The following ARHGAP26 variants were observed in gnomAD, a reference collection of about 807,000 sequenced individuals.
ARHGAP26 encodes Rho GTPase activating protein 26.
A neutral mutation model predicts 104.8 loss-of-function variants in ARHGAP26; 38 were observed. The ratio of observed to expected loss-of-function variants is 0.36; its 90% confidence interval spans 0.28 to 0.48. ARHGAP26 has a LOEUF of 0.48. Among genes scored for constraint, ARHGAP26 ranks in the 20% least tolerant of loss-of-function variants. ARHGAP26 has a pLI of 0.99. For synonymous variants in ARHGAP26, 341 were observed against 340.0 expected, an observed-to-expected ratio of 1.00 and a Z score of -0.03; for missense variants, 704 against 947.9, an observed-to-expected ratio of 0.74 and a Z score of 3.38.
At chr5:142,902,448 C>T (rs2152455695) in intron 7 of ARHGAP26, among the ~76,000 whole-genome samples, 1 of 152,280 alleles carries the variant, frequency 6.6e-6, no homozygotes, top group Non-Finnish European at 1.5e-5. Context: ...TGCTGGCCTC[C>T]AGCTCAAAGG....
In ARHGAP26 at chr5:142,885,515, A is replaced by G. The variant is rs574154121; in HGVS notation, c.486+116A>G. On this transcript the variant is annotated intron_variant, in intron 5 of 22. Transcript: ENST00000645722. ...AGGGTTAGAAGGGACCTGGGAAGCC[A>G]GGAGATTGCTCCTGATCCCTCATCC... The G allele has an allele frequency of 1.7e-5, 14 of 827,700 alleles. No individual in the cohort carries two copies. In the East Asian group the frequency reaches 3.8e-4, roughly 22 times the overall value. 51.3% of individuals were successfully genotyped at this position (827,700 alleles called of 1,614,324 possible).
chr5:143,141,077 T>G (rs1340567136), intron 19 of ARHGAP26, among the ~76,000 whole-genome samples: 1 of 152,268 alleles, frequency 6.6e-6, no homozygotes, highest in East Asian at 1.9e-4. Flanking sequence ...GCAGATGACA[T>G]GTTTATTCAC....
intron 20 of ARHGAP26, among the ~76,000 whole-genome samples, chr5:143,183,068 A>G (rs2151200230): frequency 7.6e-6 from 1 of 130,740 alleles, no homozygotes; most frequent in South Asian, 2.5e-4. Context: ...GCAAATGAAA[A>G]GTGGCAAAAA....
chr5:143,207,477 A>G lies in ARHGAP26; in HGVS notation c.2099+169A>G, dbSNP rs772640440. The G allele has an allele frequency of 7.4e-6, 12 of 1,613,450 alleles. No homozygotes were observed. The South Asian group carries it at 1.1e-4, about 15-fold the overall frequency. On this transcript the variant is annotated intron_variant, in intron 21 of 22. Transcript: ENST00000645722. ...AAGCGGTACATGAAGACTCCAGGTAAAATCTCGGATGATGACCAATCTGTT... is the reference window on the plus strand; with the variant it reads ...AAGCGGTACATGAAGACTCCAGGTAGAATCTCGGATGATGACCAATCTGTT...
chr5:143,164,925 G>T (rs544578199), intron 20 of ARHGAP26: 2 of 152,088 alleles, frequency 1.3e-5, no homozygotes, highest in Non-Finnish European at 2.9e-5. Flanking sequence ...TCAGTGTGTC[G>T]GGCCTCAAAA....
At chr5:143,001,112 T>C (rs1012234285) in intron 11 of ARHGAP26, among the ~76,000 whole-genome samples, 2 of 151,988 alleles carry the variant, frequency 1.3e-5, no homozygotes, top group African/African-American at 4.8e-5. Flanking sequence ...TGTATAGTGA[T>C]CTAGAATAAG....
intron 1 of ARHGAP26, chr5:142,860,112 T>C (rs1597952580): frequency 1.3e-5 from 2 of 152,332 alleles, no homozygotes; most frequent in East Asian, 3.9e-4. Context: ...TCCCGGTTGT[T>C]GTTCCTGTCT....
chr5:143,036,625 T>C (rs1358663082), intron 12 of ARHGAP26, among the ~76,000 whole-genome samples: 2 of 152,230 alleles, frequency 1.3e-5, no homozygotes, highest in African/African-American at 4.8e-5. Flanking sequence ...GGCAGTTTGA[T>C]GGTATGGGCT....
intron 20 of ARHGAP26, among the ~76,000 whole-genome samples, chr5:143,201,219 C>A (rs1807666839): frequency 6.6e-6 from 1 of 152,112 alleles, no homozygotes; most frequent in Non-Finnish European, 1.5e-5. Context: ...TGTGTTGTTG[C>A]TGTCATTGGG....
intron 10 of ARHGAP26, among the ~76,000 whole-genome samples, chr5:142,922,449 G>A (rs764573304): frequency 7.9e-5 from 12 of 151,846 alleles, no homozygotes; most frequent in Middle Eastern, 3.4e-3. Context: ...TGTGTTTTCT[G>A]TAGAAAAAAA....
chr5:143,008,859 ACT>A (rs1340955287), intron 11 of ARHGAP26, among the ~76,000 whole-genome samples: 1 of 152,198 alleles, frequency 6.6e-6, no homozygotes, highest in Non-Finnish European at 1.5e-5. Flanking sequence ...AATCCAGATG[ACT>A]CTGTGTATTC....
intron 18 of ARHGAP26, among the ~76,000 whole-genome samples, chr5:143,129,650 C>G (rs2150866495): frequency 6.6e-6 from 1 of 152,252 alleles, no homozygotes; most frequent in South Asian, 2.1e-4. Context: ...TTTCTCATCT[C>G]AAGAGGGCAA....
chr5:143,023,396 C>G (rs971891892), intron 12 of ARHGAP26, among the ~76,000 whole-genome samples: 1 of 152,170 alleles, frequency 6.6e-6, no homozygotes, highest in Non-Finnish European at 1.5e-5. Flanking sequence ...GAGATTTAGG[C>G]TTGAAAACTG....
chr5:143,065,434 G>A (rs1406459688), intron 17 of ARHGAP26, among the ~76,000 whole-genome samples: 2 of 152,132 alleles, frequency 1.3e-5, no homozygotes, highest in African/African-American at 4.8e-5. Context: ...GTGGCAGCTG[G>A]CAGACTTCTA....
chr5:142,856,894 G>A (rs914843295), intron 1 of ARHGAP26, among the ~76,000 whole-genome samples: 4 of 152,186 alleles, frequency 2.6e-5, no homozygotes, highest in African/African-American at 9.7e-5. Flanking sequence ...AGGGACAACT[G>A]TACCATGAAC....
intron 13 of ARHGAP26, among the ~76,000 whole-genome samples, chr5:143,040,699 G>A (rs1038596859): frequency 6.6e-6 from 1 of 152,230 alleles, no homozygotes; most frequent in African/African-American, 2.4e-5. Flanking sequence ...TTTAAGCTGA[G>A]ATCTGAATGA....
intron 11 of ARHGAP26, among the ~76,000 whole-genome samples, chr5:142,977,704 T>G (rs1294648234): frequency 6.6e-6 from 1 of 152,214 alleles, no homozygotes; most frequent in Middle Eastern, 3.4e-3. Context: ...AGATGGAAGG[T>G]GGTAGGGAGA....
At chr5:142,799,138 C>A (rs1193008383) in intron 1 of ARHGAP26, among the ~76,000 whole-genome samples, 1 of 152,060 alleles carries the variant, frequency 6.6e-6, no homozygotes, top group African/African-American at 2.4e-5. Flanking sequence ...AGTAATGCTG[C>A]AGGTATTCAC....
At chr5:143,156,952 A>G (rs954294904) in intron 20 of ARHGAP26, among the ~76,000 whole-genome samples, 1 of 152,232 alleles carries the variant, frequency 6.6e-6, no homozygotes, top group African/African-American at 2.4e-5. Context: ...CAATTAATCA[A>G]GCCAGTAGAT....
Sources: gnomAD v4.1 joint callset for allele counts (sites outside exome capture counted in the v4.1 genomes callset) on GRCh38, gnomAD v4.1.1 for gene constraint, MANE v1.5 for transcripts, NCBI Gene and HGNC (gene_info 2026-07-23, HGNC 2026-07-21) for gene names.